The following NBEAL1 variants were observed in gnomAD, a reference collection of about 807,000 sequenced individuals.
NBEAL1 encodes the protein neurobeachin-like protein 1.
A neutral mutation model predicts 351.3 loss-of-function variants in NBEAL1; 273 were observed. That is an observed-to-expected ratio of 0.78 (90% CI 0.70 to 0.86). The LOEUF (loss-of-function observed/expected upper bound fraction) is 0.86, where lower values mean the gene tolerates loss of function less well. Ranked by LOEUF, NBEAL1 falls within the 40% of genes least tolerant of loss-of-function variation. The pLI is 0.00. For missense variants in NBEAL1, 2,961 were observed against 3,201.3 expected, an observed-to-expected ratio of 0.92 and a Z score of 1.81; for synonymous variants, 1,050 against 1,086.4, an observed-to-expected ratio of 0.97 and a Z score of 0.66.
chr2:203,126,622 A>C lies in NBEAL1; in HGVS notation c.3051A>C (p.Ser1017=). 6.5e-7 allele frequency: 1 copy of C among 1,528,668 alleles called. No individual in the cohort carries two copies. Among genetic ancestry groups the C allele is most frequent in the Non-Finnish European group, 8.8e-7 (1 of 1,138,112 alleles). The allele number at this position is 1,528,668 out of a possible 1,614,324, so 94.7% of individuals were successfully genotyped here. Residue 1017 remains serine, a synonymous_variant, in exon 22 of 56, where the codon TCA becomes TCC. Transcript: ENST00000683969. ...MAVQLLIEQV[S]LEKNMQLLQQ... ...TTCAGTTACTAATTGAACAAGTATC[A>C]TTAGAGAAAAATATGCAGCTCCTGC...
rs757891898 is a variant in NBEAL1, at chr2:203,138,227, C to T, written c.4631C>T (p.Thr1544Ile). The T allele has an allele frequency of 7.4e-6, 12 of 1,613,918 alleles. No homozygotes were observed. The South Asian group carries it at 1.3e-4, about 18-fold the overall frequency. ...ENREAKTNPV[T>I]AENAFRLVLI... Reference sequence around the variant, plus strand: ...AGAGAAGCAAAAACTAATCCAGTAACTGCTGAAAACGCCTTCCGACTAGTG... The same window carrying T: ...AGAGAAGCAAAAACTAATCCAGTAATTGCTGAAAACGCCTTCCGACTAGTG... Residue 1544 changes from threonine to isoleucine, a missense_variant, in exon 30 of 56, where the codon ACT (threonine) becomes ATT (isoleucine). Physicochemically the swap from Thr to Ile is moderately conservative, Grantham distance 89 (BLOSUM62 -1). Coordinates refer to ENST00000683969, the MANE Select transcript of NBEAL1 (RefSeq NM_001378026.1).
chr2:203,077,266 AG>A lies in NBEAL1; in HGVS notation c.599-484del, dbSNP rs1316128912. Among the ~76,000 whole-genome samples the A allele has an allele frequency of 5.9e-5, 9 of 151,838 alleles. No individual in the cohort carries two copies. The East Asian group carries it at 1.7e-3, about 29-fold the overall frequency. On this transcript the variant is annotated intron_variant, in intron 7 of 55. Transcript: ENST00000683969. ...GTGCCTGTAATCCCAGCTACTCCGGAGGCTGAGGCAGGAGAATCGCTTGAAT... is the reference window on the plus strand; with the variant it reads ...GTGCCTGTAATCCCAGCTACTCCGGAGCTGAGGCAGGAGAATCGCTTGAAT...
chr2:203,211,257 C>T (rs1482025169), intron 54 of NBEAL1, 151 bp downstream of exon 54: 1 of 435,068 alleles, frequency 2.3e-6, no homozygotes, highest in Non-Finnish European at 3.8e-6. Flanking sequence ...ATTGGAGGAG[C>T]TAAAGTATTC....
At chr2:203,082,622 T>C (rs2061892929) in intron 8 of NBEAL1, among the ~76,000 whole-genome samples, 1 of 152,228 alleles carries the variant, frequency 6.6e-6, no homozygotes, top group African/African-American at 2.4e-5. Flanking sequence ...TCATCTTACA[T>C]GTTTAAATCA....
Position 203,175,211 on chromosome 2 carries a change from A to G in NBEAL1, c.6388A>G (p.Asn2130Asp). The change falls in exon 42 of 56, where the codon AAT becomes GAT. Residue 2130 changes from asparagine to aspartate, a missense_variant. Asn to Asp is a conservative substitution (Grantham distance 23). Transcript: ENST00000683969. Reference protein sequence around the residue: ...DKFHYGTHYSNSAGVMHYLIR... With the variant: ...DKFHYGTHYSDSAGVMHYLIR... ...GTTTCACTATGGTACTCACTATTCA[A>G]ATTCTGCGGGGGTCATGCACTATCT... 6.2e-7 allele frequency: 1 copy of G among 1,613,856 alleles called. No homozygotes were observed. The highest frequency in any genetic ancestry group is 8.5e-7 in the Non-Finnish European group (1 of 1,179,834).
chr2:203,145,275 C>A, intron 33 of NBEAL1, 115 bp downstream of exon 33: 4 of 906,332 alleles, frequency 4.4e-6, no homozygotes, highest in Non-Finnish European at 6.4e-6. Flanking sequence ...TTTTATTTGT[C>A]TAAAAATTAT....
In NBEAL1 at chr2:203,127,772, G is replaced by A; in HGVS notation, c.3249-9G>A. The A allele has an allele frequency of 1.4e-6, 2 of 1,476,632 alleles. No homozygotes were observed. Among genetic ancestry groups the A allele is most frequent in the Non-Finnish European group, 1.8e-6 (2 of 1,087,626 alleles). The allele number at this position is 1,476,632 out of a possible 1,614,324, so 91.5% of individuals were successfully genotyped here. On this transcript the variant is annotated splice_polypyrimidine_tract_variant and intron_variant, in intron 23 of 55. Transcript: ENST00000683969. ...AATTTCAATTCTTATACTTTGTTTT[G>A]TCTTTCAGGAATGGTTGTAAATATA... is the stretch of plus-strand genomic sequence containing the variant.
intron 18 of NBEAL1, among the ~76,000 whole-genome samples, chr2:203,119,617 G>C (rs1357596833): frequency 1.3e-5 from 2 of 151,678 alleles, no homozygotes; most frequent in African/African-American, 4.8e-5. Flanking sequence ...GTACAGACGA[G>C]GTTTCACCAT....
chr2:203,212,242 G>A (rs2065807794), intron 54 of NBEAL1, among the ~76,000 whole-genome samples: 1 of 151,942 alleles, frequency 6.6e-6, no homozygotes, highest in Non-Finnish European at 1.5e-5. Context: ...AAGGCAAAAA[G>A]CATGTAATGA....
intron 33 of NBEAL1, among the ~76,000 whole-genome samples, chr2:203,147,280 C>T (rs1282646910): frequency 2.0e-5 from 3 of 152,030 alleles, no homozygotes; most frequent in Non-Finnish European, 4.4e-5. Context: ...TCTGTTATAC[C>T]AGTAAATTAC....
chr2:203,040,734 C>T (rs1199933606), intron 2 of NBEAL1: 11 of 588,892 alleles, frequency 1.9e-5, no homozygotes, highest in African/African-American at 3.7e-5. Flanking sequence ...TGCTCCCTTT[C>T]CACCTTTTGG....
At chr2:203,083,584 C>T in intron 9 of NBEAL1, 59 bp downstream of exon 9, 1 of 1,322,126 alleles carries the variant, frequency 7.6e-7, no homozygotes, top group Non-Finnish European at 1.0e-6. Flanking sequence ...ATATCTACCA[C>T]TTTCTTTTGA....
At chr2:203,164,656 C>T (rs1008782188) in intron 36 of NBEAL1, among the ~76,000 whole-genome samples, 1 of 151,858 alleles carries the variant, frequency 6.6e-6, no homozygotes, top group Non-Finnish European at 1.5e-5. Flanking sequence ...AAAAGAAAAG[C>T]TTAGTTTTAA....
At chr2:203,023,363 G>A (rs1254412996) in intron 2 of NBEAL1, among the ~76,000 whole-genome samples, 1 of 152,200 alleles carries the variant, frequency 6.6e-6, no homozygotes, top group Non-Finnish European at 1.5e-5. Flanking sequence ...TGACAGCCTA[G>A]TACTAGTAGT....
chr2:203,102,170 A>G (rs1442796658), intron 12 of NBEAL1, among the ~76,000 whole-genome samples: 1 of 152,198 alleles, frequency 6.6e-6, no homozygotes, highest in Admixed American at 6.5e-5. Context: ...GTATCCTGCA[A>G]CTTTGCTCAA....
intron 18 of NBEAL1, among the ~76,000 whole-genome samples, chr2:203,117,862 T>A (rs1433042748): frequency 6.6e-6 from 1 of 151,178 alleles, no homozygotes; most frequent in Non-Finnish European, 1.5e-5. Flanking sequence ...TTTTTTTTTG[T>A]ATTTTTTATA....
At position 203,222,527 on chromosome 2, in the gene NBEAL1, C is replaced by G. The variant is rs754724230; in HGVS notation, c.*5173C>G. ...AATGGCTTTATTATCTTTGTTTTGC[C>G]TGCCACAAAAACAACAAAATCTCCT... On this transcript the variant is annotated 3_prime_UTR_variant, in exon 56 of 56. Coordinates refer to ENST00000683969, the MANE Select transcript of NBEAL1 (RefSeq NM_001378026.1). 2.0e-5 allele frequency among the ~76,000 whole-genome samples: 3 copies of G among 152,008 alleles called. No homozygotes were observed. The highest frequency in any genetic ancestry group is 4.4e-5 in the Non-Finnish European group (3 of 68,002).
At position 203,062,892 on chromosome 2, in the gene NBEAL1, A is replaced by G. The variant is rs2061523228; in HGVS notation, c.515+5439A>G. On this transcript the variant is annotated intron_variant, in intron 6 of 55. Coordinates refer to ENST00000683969, the MANE Select transcript of NBEAL1 (RefSeq NM_001378026.1). The surrounding 1 kb of genome is among the most constrained non-coding windows in gnomAD (Gnocchi z 4.2). Reference sequence around the variant, plus strand: ...AAAGGGATCTACAGCAATAATTTACACCTTATTTATTAATCTGATTCTGAA... The same window carrying G: ...AAAGGGATCTACAGCAATAATTTACGCCTTATTTATTAATCTGATTCTGAA... 6.6e-6 allele frequency among the ~76,000 whole-genome samples: 1 copy of G among 152,238 alleles called. No homozygotes were observed. The highest frequency in any genetic ancestry group is 1.5e-5 in the Non-Finnish European group (1 of 68,044).
Position 203,188,703 on chromosome 2 carries a change from A to G in NBEAL1, c.6823+114A>G, listed in dbSNP as rs368279353. ...ATCAGAAAGACTACATTTTAAAAACATCTTTTTACTTGAAAGATTAAGAGA... is the reference window on the plus strand; with the variant it reads ...ATCAGAAAGACTACATTTTAAAAACGTCTTTTTACTTGAAAGATTAAGAGA... On this transcript the variant is annotated intron_variant, in intron 45 of 55. Coordinates refer to ENST00000683969, the MANE Select transcript of NBEAL1 (RefSeq NM_001378026.1). The G allele has an allele frequency of 5.8e-5, 35 of 602,374 alleles. 1 individual carries two copies. Among genetic ancestry groups the G allele is most frequent in the Admixed American group, 2.9e-4 (10 of 34,930 alleles). The allele number at this position is 602,374 out of a possible 1,614,324, so 37.3% of individuals were successfully genotyped here.
Sources: gnomAD v4.1 joint callset for allele counts (sites outside exome capture counted in the v4.1 genomes callset) on GRCh38, gnomAD v4.1.1 for gene constraint, Gnocchi (gnomAD v3.1) non-coding constraint, MANE v1.5 for transcripts, NCBI Gene and HGNC (gene_info 2026-07-23, HGNC 2026-07-21) for gene names.